The following VRK1 variants were observed in gnomAD, a reference collection of about 807,000 sequenced individuals.
VRK1 encodes the protein serine/threonine-protein kinase VRK1.
A neutral mutation model predicts 57.1 loss-of-function variants in VRK1; 33 were observed. The ratio of observed to expected loss-of-function variants is 0.58; its 90% confidence interval spans 0.44 to 0.77. VRK1 has a LOEUF of 0.77. Ranked by LOEUF, VRK1 falls within the 30% of genes least tolerant of loss-of-function variation. The probability of loss-of-function intolerance (pLI) is 0.00; values close to 1 mark genes in which losing one functional copy is unlikely to be tolerated. For synonymous variants in VRK1, 137 were observed against 147.8 expected (o/e 0.93, Z 0.53); for missense variants, 413 against 477.3 (o/e 0.87, Z 1.25).
At position 96,872,779 on chromosome 14, in the gene VRK1, G is replaced by A. The variant is rs1888874687; in HGVS notation, c.1069-3251G>A. Among the ~76,000 whole-genome samples the A allele has an allele frequency of 3.3e-5, 5 of 152,218 alleles. No individual in the cohort carries two copies. The South Asian group carries it at 1.0e-3, about 32-fold the overall frequency. On this transcript the variant is annotated intron_variant, in intron 11 of 12. Transcript: ENST00000216639. The stretch of plus-strand genomic sequence containing the variant: ...CATAAATATTGTGGCATAATAACAT[G>A]TTTGCTGTAACCTTCATAGAAGATG...
chr14:96,838,789 C>A (rs1381038108), intron 3 of VRK1, among the ~76,000 whole-genome samples: 1 of 152,186 alleles, frequency 6.6e-6, no homozygotes. Context: ...TGAAGGTTTT[C>A]ATTTTGTTTC....
chr14:96,860,610 C>A lies in VRK1; in HGVS notation c.943C>A (p.Pro315Thr), dbSNP rs1888346506. 2.5e-6 allele frequency: 4 copies of A among 1,612,854 alleles called. No individual in the cohort carries two copies. The highest frequency in any genetic ancestry group is 1.3e-5 in the African/African-American group (1 of 74,840). Residue 315 changes from proline to threonine, a missense_variant, in exon 11 of 13, where the codon CCT becomes ACT. Around this residue, in one of 3 missense-constraint regions of VRK1, gnomAD observed 146 missense variants for 138.2 expected, o/e 1.06. Transcript: ENST00000216639. ...GAAATTACTAGACTACACTGAAAAA[C>A]CTCTTTATGAAAATTTACGTGACAT... ...TVKLLDYTEK[P>T]LYENLRDILL...
chr14:96,835,731 T>G (rs1887187467), intron 2 of VRK1, among the ~76,000 whole-genome samples: 1 of 152,208 alleles, frequency 6.6e-6, no homozygotes, highest in African/African-American at 2.4e-5. Context: ...TCCTAGTTCC[T>G]TTTCTAGTCC....
chr14:96,808,019 G>GTCTCTCTCTCTCTCTCCC (rs1566683621), intron 1 of VRK1, among the ~76,000 whole-genome samples: 1 of 34,246 alleles, frequency 2.9e-5, no homozygotes, highest in African/African-American at 7.3e-5. Context: ...CTCTCCCTCT[G>GTCTCTCTCTCTCTCTCCC]TGTGTGTGTG....
intron 12 of VRK1, among the ~76,000 whole-genome samples, chr14:96,878,231 G>A (rs1889118260): frequency 6.6e-6 from 1 of 152,094 alleles, no homozygotes. Context: ...AAAGCCAAGA[G>A]TTCATGTAAA....
chr14:96,848,949 C>G (rs192460653), intron 5 of VRK1, among the ~76,000 whole-genome samples: 9 of 152,120 alleles, frequency 5.9e-5, no homozygotes, highest in Admixed American at 1.3e-4. Flanking sequence ...GGGAGATGAA[C>G]GTGAGCACAG....
At chr14:96,847,386 A>C (rs753327226) in intron 5 of VRK1, 42 bp downstream of exon 5, 1 of 1,517,248 alleles carries the variant, frequency 6.6e-7, no homozygotes, top group Non-Finnish European at 9.2e-7. Flanking sequence ...CCCTTTTGCA[A>C]CATTCACTAT....
intron 3 of VRK1, among the ~76,000 whole-genome samples, chr14:96,842,911 G>A (rs1414379318): frequency 6.6e-6 from 1 of 152,110 alleles, no homozygotes; most frequent in Non-Finnish European, 1.5e-5. Flanking sequence ...TGCTGGTAAG[G>A]GTTTCTAACT....
At chr14:96,862,609 A>G (rs1888434225) in intron 11 of VRK1, among the ~76,000 whole-genome samples, 1 of 151,672 alleles carries the variant, frequency 6.6e-6, no homozygotes, top group Admixed American at 6.6e-5. Flanking sequence ...TAATTTGTAA[A>G]TGCTGTCACT....
chr14:96,832,743 G>GT (rs1240215193), intron 1 of VRK1, among the ~76,000 whole-genome samples: 5 of 152,170 alleles, frequency 3.3e-5, no homozygotes, highest in African/African-American at 1.2e-4. Context: ...GGAATTCTGG[G>GT]TGTCACCAGC....
chr14:96,846,255 G>T, intron 4 of VRK1, 91 bp downstream of exon 4: 2 of 1,256,220 alleles, frequency 1.6e-6, no homozygotes, highest in South Asian at 2.6e-5. Context: ...CTTATTTTAT[G>T]ACTCTTTGTT....
chr14:96,873,638 A>G (rs974793028), intron 11 of VRK1, among the ~76,000 whole-genome samples: 4 of 152,204 alleles, frequency 2.6e-5, no homozygotes, highest in Non-Finnish European at 5.9e-5. Flanking sequence ...AGGAACCAAA[A>G]TATGCACTAT....
chr14:96,849,022 G>A (rs1272112131), intron 5 of VRK1, among the ~76,000 whole-genome samples: 2 of 152,114 alleles, frequency 1.3e-5, no homozygotes, highest in Non-Finnish European at 2.9e-5. Context: ...AGAGGAAGAG[G>A]GCATGTGTGT....
At chr14:96,846,225 C>T (rs1403420571) in intron 4 of VRK1, 61 bp downstream of exon 4, 2 of 1,476,014 alleles carry the variant, frequency 1.4e-6, no homozygotes, top group African/African-American at 2.8e-5. Flanking sequence ...TGTTTTAAGC[C>T]AAGACCTAGA....
At chr14:96,810,048 GT>G (rs1363809387) in intron 1 of VRK1, among the ~76,000 whole-genome samples, 1 of 152,142 alleles carries the variant, frequency 6.6e-6, no homozygotes, top group Non-Finnish European at 1.5e-5. Context: ...TCTTAGTGTG[GT>G]TTTCGTGGGC....
chr14:96,878,729 C>T (rs1487022695), intron 12 of VRK1, among the ~76,000 whole-genome samples: 1 of 152,034 alleles, frequency 6.6e-6, no homozygotes, highest in Non-Finnish European at 1.5e-5. Context: ...AGAACAGAGG[C>T]CTCTAATCCT....
chr14:96,848,197 G>T (rs1887790430), intron 5 of VRK1, among the ~76,000 whole-genome samples: 1 of 152,040 alleles, frequency 6.6e-6, no homozygotes, highest in Non-Finnish European at 1.5e-5. Context: ...GTTCTCCATT[G>T]TGTGGTCGCC....
intron 10 of VRK1, among the ~76,000 whole-genome samples, chr14:96,860,350 A>G (rs1379710487): frequency 6.6e-6 from 1 of 152,104 alleles, no homozygotes; most frequent in Non-Finnish European, 1.5e-5. Context: ...TGTGTTTTAC[A>G]TTGTATCTCA....
At chr14:96,836,859 G>A (rs185974268) in intron 2 of VRK1, among the ~76,000 whole-genome samples, 3 of 152,070 alleles carry the variant, frequency 2.0e-5, no homozygotes, top group Admixed American at 6.6e-5. Flanking sequence ...GTTCTCCCTG[G>A]AGTGCTCTTC....
Sources: allele counts gnomAD v4.1 joint callset (sites outside exome capture counted in the v4.1 genomes callset), GRCh38; gene constraint gnomAD v4.1.1; regional missense constraint gnomAD v4.1.1; transcripts MANE v1.5; gene names NCBI Gene and HGNC (gene_info 2026-07-23, HGNC 2026-07-21).